TBL1XR1: variants seen among roughly 807,000 people sequenced by gnomAD.
TBL1XR1 encodes F-box-like/WD repeat-containing protein TBL1XR1.
Under a neutral mutation model 66.9 loss-of-function variants are expected in TBL1XR1, and 5 were observed. That is an observed-to-expected ratio of 0.07 (90% CI 0.04 to 0.16). The LOEUF is 0.16. TBL1XR1 is among the 10% of genes least tolerant of loss of function. The pLI, the probability that TBL1XR1 is intolerant of heterozygous loss-of-function variation, is 1.00. For missense variants in TBL1XR1, 238 were observed against 623.2 expected (o/e 0.38, Z 6.58); for synonymous variants, 210 against 206.0 (o/e 1.02, Z -0.17).
intron 1 of TBL1XR1, among the ~76,000 whole-genome samples, chr3:177,168,283 C>CT (rs11307636): frequency 0.054 from 7,774 of 142,798 alleles, 297 homozygotes; most frequent in African/African-American, 0.087. Flanking sequence ...GGAAATAAAC[C>CT]TTTTTTTTTT....
At chr3:177,067,759 C>T (rs2108549642) in intron 2 of TBL1XR1, among the ~76,000 whole-genome samples, 1 of 152,030 alleles carries the variant, frequency 6.6e-6, no homozygotes, top group East Asian at 1.9e-4. Context: ...ACTTAAAAGC[C>T]TATGTGCCAA....
intron 1 of TBL1XR1, among the ~76,000 whole-genome samples, chr3:177,187,213 G>A (rs112141377): frequency 2.3e-4 from 35 of 150,976 alleles, no homozygotes; most frequent in African/African-American, 7.8e-4. Context: ...GGCCAACATG[G>A]CAAAACCCTA....
intron 1 of TBL1XR1, among the ~76,000 whole-genome samples, chr3:177,176,258 G>A (rs959250878): frequency 3.3e-5 from 5 of 151,356 alleles, no homozygotes; most frequent in Non-Finnish European, 5.9e-5. Context: ...GCAGTGGTGC[G>A]ATCTCGGCTC....
chr3:177,136,998 T>C (rs937885706), intron 1 of TBL1XR1, among the ~76,000 whole-genome samples: 1 of 152,202 alleles, frequency 6.6e-6, no homozygotes, highest in African/African-American at 2.4e-5. Context: ...TATAACCTTA[T>C]ATACAGAAAA....
chr3:177,145,225 C>T (rs1264894937), intron 1 of TBL1XR1, among the ~76,000 whole-genome samples: 2 of 152,174 alleles, frequency 1.3e-5, no homozygotes, highest in South Asian at 2.1e-4. Context: ...AAACTACAAC[C>T]GGAGGCAAAT....
At chr3:177,056,225 T>C (rs1284866890) in intron 3 of TBL1XR1, among the ~76,000 whole-genome samples, 1 of 152,270 alleles carries the variant, frequency 6.6e-6, no homozygotes, top group Admixed American at 6.5e-5. Flanking sequence ...ACATGATTTC[T>C]GTATACTTTA....
intron 1 of TBL1XR1, among the ~76,000 whole-genome samples, chr3:177,156,913 A>G (rs1193865012): frequency 2.0e-5 from 3 of 152,238 alleles, no homozygotes; most frequent in Non-Finnish European, 4.4e-5. Flanking sequence ...TGTATGTATC[A>G]CTTTCTACTC....
intron 1 of TBL1XR1, among the ~76,000 whole-genome samples, chr3:177,165,884 G>T (rs1364649017): frequency 1.3e-5 from 2 of 152,086 alleles, no homozygotes; most frequent in Admixed American, 1.3e-4. Flanking sequence ...ATCACTTGAG[G>T]CCAGGAGTTC....
intron 3 of TBL1XR1, among the ~76,000 whole-genome samples, chr3:177,055,448 T>C (rs1324460620): frequency 6.6e-6 from 1 of 151,300 alleles, no homozygotes; most frequent in Non-Finnish European, 1.5e-5. Context: ...ACCTTGATTT[T>C]AGCCCCTGAT....
At chr3:177,187,028 G>A (rs998460878) in intron 1 of TBL1XR1, among the ~76,000 whole-genome samples, 23 of 152,208 alleles carry the variant, frequency 1.5e-4, no homozygotes, top group African/African-American at 5.1e-4. Flanking sequence ...TTAGCCGGGC[G>A]TGGTGGCGGG....
chr3:177,201,414 C>CAAAAAAAA (rs557996871), upstream of TBL1XR1, among the ~76,000 whole-genome samples: 4 of 41,354 alleles, frequency 9.7e-5, no homozygotes, highest in Admixed American at 2.5e-4. Context: ...GATTACATCT[C>CAAAAAAAA]AAAAAAAAAA....
chr3:177,118,241 A>G (rs997790084), intron 1 of TBL1XR1, among the ~76,000 whole-genome samples: 3 of 152,232 alleles, frequency 2.0e-5, no homozygotes, highest in African/African-American at 4.8e-5. Flanking sequence ...CAAAGTCTCT[A>G]AAGAGTTCTT....
At chr3:177,094,202 T>C (rs184440431) in intron 2 of TBL1XR1, among the ~76,000 whole-genome samples, 29 of 151,636 alleles carry the variant, frequency 1.9e-4, no homozygotes, top group Non-Finnish European at 3.8e-4. Context: ...GATATACAAA[T>C]GACCAACAAA....
intron 1 of TBL1XR1, among the ~76,000 whole-genome samples, chr3:177,193,444 G>C (rs1031893242): frequency 6.6e-6 from 1 of 151,986 alleles, no homozygotes; most frequent in African/African-American, 2.4e-5. Flanking sequence ...CCGAGTAGCT[G>C]GGACTACAGG....
chr3:177,176,290 G>C (rs1373289352), intron 1 of TBL1XR1, among the ~76,000 whole-genome samples: 2 of 151,092 alleles, frequency 1.3e-5, no homozygotes, highest in African/African-American at 4.8e-5. Context: ...TCCGCCCCCT[G>C]GGCTCAAGCG....
chr3:177,164,959 A>ATT (rs1048151731), intron 1 of TBL1XR1, among the ~76,000 whole-genome samples: 3 of 148,714 alleles, frequency 2.0e-5, no homozygotes, highest in African/African-American at 7.4e-5. Context: ...TGAAGTTTTA[A>ATT]TTTTTTTTTT....
At chr3:177,183,341 G>C (rs1322855778) in intron 1 of TBL1XR1, among the ~76,000 whole-genome samples, 1 of 152,098 alleles carries the variant, frequency 6.6e-6, no homozygotes, top group African/African-American at 2.4e-5. Flanking sequence ...TAACCCTTCA[G>C]TTATTTCTGC....
intron 1 of TBL1XR1, among the ~76,000 whole-genome samples, chr3:177,180,536 T>C (rs889813220): frequency 1.3e-5 from 2 of 152,292 alleles, no homozygotes; most frequent in Admixed American, 6.5e-5. Flanking sequence ...ACTAAAATAC[T>C]GTTGCAATCA....
rs572306900 is a variant in TBL1XR1 at position 177,140,770 on chromosome 3, A to G, written c.-121-42229T>C. Among the ~76,000 whole-genome samples the G allele has an allele frequency of 2.0e-5, 3 of 152,348 alleles. No homozygotes were observed. The East Asian group carries it at 5.8e-4, about 29-fold the overall frequency. On this transcript the variant is annotated intron_variant, in intron 1 of 15. Coordinates refer to ENST00000457928, the MANE Select transcript of TBL1XR1 (RefSeq NM_024665.7). ...ATAAGTAAATAATAGTCATAACAGT[A>G]ATTGTTTTTCAATTTTAAAAATCAT...
Sources: allele counts gnomAD v4.1 joint callset (sites outside exome capture counted in the v4.1 genomes callset), GRCh38; gene constraint gnomAD v4.1.1; transcripts MANE v1.5; gene names NCBI Gene and HGNC (gene_info 2026-07-23, HGNC 2026-07-21).